The following TRMT9B variants were observed in gnomAD, a reference collection of about 807,000 sequenced individuals.
The protein encoded by TRMT9B is probable tRNA methyltransferase 9B.
Under a neutral mutation model 11.5 loss-of-function variants are expected in TRMT9B, and 16 were observed. That is an observed-to-expected ratio of 1.39 (90% confidence interval 0.94 to 2.11). The LOEUF is 2.11. Among genes scored for constraint, TRMT9B ranks in the 30% most tolerant of loss-of-function variants. The probability of loss-of-function intolerance (pLI) is 0.00; values close to 1 mark genes in which losing one functional copy is unlikely to be tolerated. For missense variants in TRMT9B, 941 were observed against 553.8 expected (o/e 1.70, Z -7.02); for synonymous variants, 274 against 192.4 (o/e 1.42, Z -3.51).
At chr8:12,946,248 A>C (rs1015462143) in intron 1 of TRMT9B, among the ~76,000 whole-genome samples, 2 of 152,242 alleles carry the variant, frequency 1.3e-5, no homozygotes, top group Admixed American at 6.5e-5. Flanking sequence ...GTCTGGAATT[A>C]TCTTTTATGG....
In TRMT9B at chr8:13,012,813, TC is replaced by T; in HGVS notation, c.288del (p.Phe97LeufsTer12). ...GCCATGGTATGTGACAACCTTAATC[TC>T]CCCTTTAGGGATGAGGGCTTCGATG... ...CEAMVCDNLNLPFRDEGFDAI... is the reference protein window; with the variant it reads ...CEAMVCDNLNXPFRDEGFDAI... On this transcript the variant is annotated frameshift_variant, in exon 4 of 5. Coordinates refer to ENST00000524591, the MANE Select transcript of TRMT9B (RefSeq NM_020844.3). LOFTEE classifies it low-confidence loss of function (END_TRUNC). 6.2e-7 allele frequency: 1 copy of T among 1,613,912 alleles called. No individual in the cohort carries two copies. Among genetic ancestry groups the T allele is most frequent in the Non-Finnish European group, 8.5e-7 (1 of 1,179,870 alleles).
chr8:12,974,568 C>T (rs1438161828), intron 1 of TRMT9B, among the ~76,000 whole-genome samples: 3 of 152,170 alleles, frequency 2.0e-5, no homozygotes, highest in African/African-American at 4.8e-5. Context: ...AGTCCTGCCT[C>T]GTTCCAGACA....
chr8:12,988,511 T>A (rs886724035), intron 1 of TRMT9B, among the ~76,000 whole-genome samples: 1 of 152,168 alleles, frequency 6.6e-6, no homozygotes, highest in Non-Finnish European at 1.5e-5. Context: ...TCAGCATGGC[T>A]GGGGAGGCCT....
chr8:12,996,658 T>G (rs1228035507), intron 2 of TRMT9B, among the ~76,000 whole-genome samples: 3 of 152,186 alleles, frequency 2.0e-5, no homozygotes, highest in Non-Finnish European at 2.9e-5. Context: ...TCTAACATGG[T>G]TTAAAGTACA....
intron 1 of TRMT9B, among the ~76,000 whole-genome samples, chr8:12,985,472 A>G (rs904044757): frequency 6.6e-6 from 1 of 152,172 alleles, no homozygotes; most frequent in Non-Finnish European, 1.5e-5. Flanking sequence ...CCCAATCTAG[A>G]AAAGCTAATA....
In TRMT9B at chr8:13,021,154, C is replaced by T; in HGVS notation, c.475C>T (p.Pro159Ser). The change falls in exon 5 of 5, where the codon CCA (proline) becomes TCA (serine). Residue 159 changes from proline (P) to serine (S), a missense_variant. Physicochemically the swap from Pro to Ser is moderately conservative, Grantham distance 74 (BLOSUM62 -1). Coordinates refer to ENST00000524591, the MANE Select transcript of TRMT9B (RefSeq NM_020844.3). Reference sequence around the variant, plus strand: ...CTTTGAGAAGCAAGACGTGCTTGTTCCATGGAACAGGGCTCTGTGTTCCCA... The same window carrying T: ...CTTTGAGAAGCAAGACGTGCTTGTTTCATGGAACAGGGCTCTGTGTTCCCA... Reference protein sequence around the residue: ...RHFEKQDVLVPWNRALCSQLF... With the variant: ...RHFEKQDVLVSWNRALCSQLF... The T allele has an allele frequency of 6.2e-7, 1 of 1,613,880 alleles. No individual in the cohort carries two copies. Among genetic ancestry groups the T allele is most frequent in the Non-Finnish European group, 8.5e-7 (1 of 1,179,836 alleles).
chr8:12,989,574 C>G (rs1806968355), intron 1 of TRMT9B, among the ~76,000 whole-genome samples: 1 of 152,134 alleles, frequency 6.6e-6, no homozygotes, highest in African/African-American at 2.4e-5. Flanking sequence ...AAGACTTTGC[C>G]TTTGGTGGCT....
rs1459444895 is a variant in TRMT9B, at chr8:13,028,509, C to T, written c.*6465C>T. ...GATGTTGAATTCCCTGAAGAAGGTACAATTATATTTACATTCCCTTAGCAA... is the reference window on the plus strand; with the variant it reads ...GATGTTGAATTCCCTGAAGAAGGTATAATTATATTTACATTCCCTTAGCAA... On this transcript the variant is annotated 3_prime_UTR_variant, in exon 5 of 5. Coordinates refer to ENST00000524591, the MANE Select transcript of TRMT9B (RefSeq NM_020844.3). 1.2e-5 allele frequency: 2 copies of T among 166,132 alleles called. No homozygotes were observed. Among genetic ancestry groups the T allele is most frequent in the Non-Finnish European group, 2.9e-5 (2 of 67,910 alleles). 10.3% of individuals were successfully genotyped at this position (166,132 alleles called of 1,614,324 possible).
intron 1 of TRMT9B, among the ~76,000 whole-genome samples, chr8:12,956,142 C>G (rs2954173): frequency 6.6e-6 from 1 of 152,174 alleles, no homozygotes; most frequent in Non-Finnish European, 1.5e-5. Flanking sequence ...GCAAGGGACT[C>G]TGGGAAATGC....
At chr8:12,997,505 G>C (rs1195931789) in intron 2 of TRMT9B, among the ~76,000 whole-genome samples, 1 of 152,080 alleles carries the variant, frequency 6.6e-6, no homozygotes, top group Non-Finnish European at 1.5e-5. Context: ...CCAGGCTCAG[G>C]AGTTCCTTTA....
In TRMT9B at chr8:13,022,700, G is replaced by T. The variant is rs113487901; in HGVS notation, c.*656G>T. 0.016 allele frequency: 2,724 copies of T among 167,188 alleles called. 33 individuals carry two copies. Among genetic ancestry groups the T allele is most frequent in the Non-Finnish European group, 0.024 (1,603 of 68,120 alleles). The allele number at this position is 167,188 out of a possible 1,614,324, so 10.4% of individuals were successfully genotyped here. On this transcript the variant is annotated 3_prime_UTR_variant, in exon 5 of 5. Coordinates refer to ENST00000524591, the MANE Select transcript of TRMT9B (RefSeq NM_020844.3). ...CAATGTAGCCCAGGAGGTTTTTAAA[G>T]GCACTGTTAGGCTGAGCATGGTGGC...
At chr8:12,991,311 A>G (rs1410693677) in intron 2 of TRMT9B, among the ~76,000 whole-genome samples, 3 of 152,212 alleles carry the variant, frequency 2.0e-5, no homozygotes, top group African/African-American at 4.8e-5. Flanking sequence ...TTATCACACA[A>G]AAGTTTACAA....
chr8:12,996,876 C>G (rs989589325), intron 2 of TRMT9B, among the ~76,000 whole-genome samples: 1 of 152,112 alleles, frequency 6.6e-6, no homozygotes, highest in African/African-American at 2.4e-5. Flanking sequence ...AGCTGCTACC[C>G]CAGGCAGCCT....
At chr8:12,960,586 C>G (rs867300409) in intron 1 of TRMT9B, 2 of 152,080 alleles carry the variant, frequency 1.3e-5, no homozygotes, top group Non-Finnish European at 2.9e-5. Context: ...AATGGATAAA[C>G]AAATTGTAGT....
intron 2 of TRMT9B, among the ~76,000 whole-genome samples, chr8:12,999,631 G>C: frequency 6.6e-6 from 1 of 152,202 alleles, no homozygotes; most frequent in Non-Finnish European, 1.5e-5. Context: ...TTTAGGGCCA[G>C]TGCTAGATAT....
intron 2 of TRMT9B, among the ~76,000 whole-genome samples, chr8:12,995,108 CT>C (rs1420503491): frequency 6.6e-6 from 1 of 152,196 alleles, no homozygotes; most frequent in Non-Finnish European, 1.5e-5. Flanking sequence ...GAAAATTTCC[CT>C]TTTTAATAAT....
At chr8:12,967,966 G>C (rs376277088) in intron 1 of TRMT9B, among the ~76,000 whole-genome samples, 14 of 152,168 alleles carry the variant, frequency 9.2e-5, no homozygotes, top group African/African-American at 2.9e-4. Flanking sequence ...CACGATCTTG[G>C]CTCACTGCAA....
chr8:12,996,463 G>T (rs1252909523), intron 2 of TRMT9B, among the ~76,000 whole-genome samples: 1 of 152,138 alleles, frequency 6.6e-6, no homozygotes, highest in Non-Finnish European at 1.5e-5. Flanking sequence ...AACTCTCTCA[G>T]CACTTTCTGT....
intron 1 of TRMT9B, among the ~76,000 whole-genome samples, chr8:12,965,955 G>T (rs1227864908): frequency 6.6e-6 from 1 of 151,814 alleles, no homozygotes; most frequent in African/African-American, 2.4e-5. Context: ...GGAAGTAGTA[G>T]TGAGCCAAGA....
Sources: allele counts gnomAD v4.1 joint callset (sites outside exome capture counted in the v4.1 genomes callset), GRCh38; gene constraint gnomAD v4.1.1; transcripts MANE v1.5; gene names NCBI Gene and HGNC (gene_info 2026-07-23, HGNC 2026-07-21).